Variants in APLP1 observed in about 807,000 individuals in gnomAD.
APLP1 encodes amyloid beta (A4) precursor-like protein 1.
A neutral mutation model predicts 84.5 loss-of-function variants in APLP1; 46 were observed. The ratio of observed to expected loss-of-function variants is 0.54; its 90% confidence interval spans 0.43 to 0.70. The LOEUF (loss-of-function observed/expected upper bound fraction) is 0.70, where lower values mean the gene tolerates loss of function less well. Ranked by LOEUF, APLP1 falls within the 30% of genes least tolerant of loss-of-function variation. The probability of loss-of-function intolerance (pLI) is 0.00; values close to 1 mark genes in which losing one functional copy is unlikely to be tolerated. For missense variants in APLP1, 826 were observed against 900.2 expected (o/e 0.92, Z 1.05); for synonymous variants, 376 against 364.0 (o/e 1.03, Z -0.38).
chr19:35,875,806 A>G (rs1974269711), intron 10 of APLP1, among the ~76,000 whole-genome samples: 1 of 146,754 alleles, frequency 6.8e-6, no homozygotes, highest in Non-Finnish European at 1.5e-5. Flanking sequence ...TTTAGCAGAG[A>G]CAGGGTTTTG....
chr19:35,875,160 CT>C (rs71167572), intron 10 of APLP1, among the ~76,000 whole-genome samples: 2,417 of 115,712 alleles, frequency 0.021, 50 homozygotes, highest in African/African-American at 0.079. Context: ...CCAGAATCGT[CT>C]TTTTTTTTTT....
chr19:35,879,104 G>A lies in APLP1; in HGVS notation c.1744G>A (p.Ala582Thr). The A allele has an allele frequency of 6.2e-7, 1 of 1,612,090 alleles. No individual in the cohort carries two copies. The highest frequency in any genetic ancestry group is 8.5e-7 in the Non-Finnish European group (1 of 1,180,000). Reference protein sequence around the residue: ...APAGTGVSREAVSGLLIMGAG... With the variant: ...APAGTGVSRETVSGLLIMGAG... The stretch of plus-strand genomic sequence containing the variant: ...AGCTGGGACAGGGGTGTCCCGTGAG[G>A]CTGTGTCGGGTCTGCTGATCATGGG... Residue 582 changes from alanine to threonine, a missense_variant, in exon 16 of 17, where the codon GCT becomes ACT. Coordinates refer to ENST00000221891, the MANE Select transcript of APLP1 (RefSeq NM_001024807.3).
chr19:35,877,688 C>G lies in APLP1; in HGVS notation c.1445-30C>G, dbSNP rs543017309. 6 of 1,560,582 alleles carry G rather than the reference C, an allele frequency of 3.8e-6. No individual in the cohort carries two copies. In the South Asian group the frequency reaches 6.7e-5, roughly 17 times the overall value. On this transcript the variant is annotated intron_variant, in intron 11 of 16. Transcript: ENST00000221891. Reference sequence around the variant, plus strand: ...CTCCACTCACCCCTATGCTCACTACCTCAGCCACCTTTCTGCATGTCCCCC... The same window carrying G: ...CTCCACTCACCCCTATGCTCACTACGTCAGCCACCTTTCTGCATGTCCCCC...
intron 2 of APLP1, chr19:35,870,371 TTTA>T: frequency 6.0e-6 from 1 of 167,902 alleles, no homozygotes; most frequent in Non-Finnish European, 1.3e-5. Context: ...TGACGGGACT[TTTA>T]AGGGAAAACT....
intron 7 of APLP1, 46 bp from the exon 8 acceptor site, chr19:35,873,593 G>A (rs140731583): frequency 1.3e-6 from 2 of 1,597,020 alleles, no homozygotes; most frequent in East Asian, 4.5e-5. Context: ...CTTGCCAGGT[G>A]GATCAGGGTG....
In APLP1 at chr19:35,877,770, C is replaced by T. The variant is rs771909937; in HGVS notation, c.1497C>T (p.Ala499=). 1.2e-6 allele frequency: 2 copies of T among 1,609,242 alleles called. No homozygotes were observed. Among genetic ancestry groups the T allele is most frequent in the African/African-American group, 1.3e-5 (1 of 74,624 alleles). ...GTCCCAGTGAATTGGAAGCCCCTGC[C>T]CCTGGGGGCAGCAGCGAGGACAAGG... ...HLGPSELEAP[A]PGGSSEDKGG... The change falls in exon 12 of 17, where the codon GCC becomes GCT. Residue 499 remains alanine, a synonymous_variant. Transcript: ENST00000221891.
At chr19:35,870,859 G>T in intron 2 of APLP1, 37 bp from the exon 3 acceptor site, 1 of 1,586,888 alleles carries the variant, frequency 6.3e-7, no homozygotes, top group East Asian at 2.3e-5. Context: ...GGCAGGGGCG[G>T]GGCAGTGGGC....
chr19:35,871,438 G>T (rs758002463), intron 4 of APLP1, 89 bp downstream of exon 4: 1 of 1,378,258 alleles, frequency 7.3e-7, no homozygotes, highest in Non-Finnish European at 1.0e-6. Flanking sequence ...GAGGAGTCTG[G>T]GCCACCAGCA....
intron 10 of APLP1, among the ~76,000 whole-genome samples, chr19:35,875,071 C>G (rs889276959): frequency 2.6e-5 from 4 of 151,964 alleles, no homozygotes; most frequent in African/African-American, 9.7e-5. Flanking sequence ...TGTCTTTGAC[C>G]CCTGCTTCTT....
chr19:35,877,456 T>A (rs547771701), intron 11 of APLP1, among the ~76,000 whole-genome samples: 1 of 146,462 alleles, frequency 6.8e-6, no homozygotes, highest in East Asian at 2.0e-4. Flanking sequence ...ATCATTGCAC[T>A]CCAGCTGGGC....
At chr19:35,876,443 C>G (rs557490808) in intron 10 of APLP1, 74 bp from the exon 11 acceptor site, 9 of 1,314,172 alleles carry the variant, frequency 6.8e-6, no homozygotes, top group Admixed American at 6.7e-5. Flanking sequence ...TTGAATTCCT[C>G]CTTCATACTG....
In APLP1 at chr19:35,876,786, C is replaced by T. The variant is rs111386430; in HGVS notation, c.1444+170C>T. ...GTTCATGATTCTGCCATCCGGTCTGCGCTCAGCAGAGTGGTTCTTTCAGTG... is the reference window on the plus strand; with the variant it reads ...GTTCATGATTCTGCCATCCGGTCTGTGCTCAGCAGAGTGGTTCTTTCAGTG... On this transcript the variant is annotated intron_variant, in intron 11 of 16. Transcript: ENST00000221891. Among the ~76,000 whole-genome samples, 17 of 152,372 alleles carry T rather than the reference C, an allele frequency of 1.1e-4. 1 individual carries two copies. The highest frequency in any genetic ancestry group is 3.1e-4 in the African/African-American group (13 of 41,590).
At chr19:35,879,313 A>G (rs1974362094) in intron 16 of APLP1, 30 bp from the exon 17 acceptor site, 6 of 1,613,090 alleles carry the variant, frequency 3.7e-6, no homozygotes, top group African/African-American at 2.7e-5. Context: ...CCCGCACCAC[A>G]CTGTCCTTTC....
intron 6 of APLP1, 50 bp from the exon 7 acceptor site, chr19:35,872,433 G>A (rs1174613601): frequency 1.9e-6 from 3 of 1,585,864 alleles, no homozygotes; most frequent in South Asian, 1.1e-5. Context: ...GGTAGAAAAG[G>A]CGACCTGGAG....
Position 35,868,741 on chromosome 19 carries a change from C to T in APLP1, c.105C>T (p.Pro35=). 2.2e-6 allele frequency: 3 copies of T among 1,381,172 alleles called. No individual in the cohort carries two copies. Among genetic ancestry groups the T allele is most frequent in the Non-Finnish European group, 2.8e-6 (3 of 1,071,728 alleles). The allele number at this position is 1,381,172 out of a possible 1,614,324, so 85.6% of individuals were successfully genotyped here. The change falls in exon 1 of 17, where the codon CCC becomes CCT. Residue 35 remains proline, a synonymous_variant. Coordinates refer to ENST00000221891, the MANE Select transcript of APLP1 (RefSeq NM_001024807.3). The surrounding 1 kb of genome is among the most constrained non-coding windows in gnomAD (Gnocchi z 5.2). The part of the protein sequence containing the change: ...PLLLLLLRAQ[P]AIGSLAGGSP... ...TGCTGCTGCTTCTGCGCGCGCAGCCCGCCATCGGGAGCCTGGCCGGTGGGA... is the reference window on the plus strand; with the variant it reads ...TGCTGCTGCTTCTGCGCGCGCAGCCTGCCATCGGGAGCCTGGCCGGTGGGA...
Position 35,878,633 on chromosome 19 carries a change from G to A in APLP1, c.1629G>A (p.Pro543=), listed in dbSNP as rs774044888. ...AASPEKEKMN[P]LEQYERKVNA... ...CCCCTGAGAAAGAGAAGATGAACCC[G>A]CTGGAACAGTATGAGCGAAAGGTAA... The change falls in exon 14 of 17, where the codon CCG becomes CCA. Residue 543 remains proline (P), a synonymous_variant. Coordinates refer to ENST00000221891, the MANE Select transcript of APLP1 (RefSeq NM_001024807.3). 9.2e-5 allele frequency: 148 copies of A among 1,613,938 alleles called. No individual in the cohort carries two copies. Among genetic ancestry groups the A allele is most frequent in the Non-Finnish European group, 7.1e-5 (84 of 1,180,024 alleles).
At chr19:35,879,296 T>A (rs1974361439) in intron 16 of APLP1, 47 bp from the exon 17 acceptor site, 4 of 1,610,324 alleles carry the variant, frequency 2.5e-6, no homozygotes, top group Admixed American at 3.3e-5. Context: ...TTGCGGGCAG[T>A]CCCGCCCCCG....
In APLP1 at chr19:35,877,744, G is replaced by C; in HGVS notation, c.1471G>C (p.Gly491Arg). 6.2e-7 allele frequency: 1 copy of C among 1,610,520 alleles called. No homozygotes were observed. The highest frequency in any genetic ancestry group is 8.5e-7 in the Non-Finnish European group (1 of 1,179,010). ...IQELLHSEHL[G>R]PSELEAPAPG... Reference sequence around the variant, plus strand: ...GGAACTCCTCCACTCTGAACACCTGGGTCCCAGTGAATTGGAAGCCCCTGC... The same window carrying C: ...GGAACTCCTCCACTCTGAACACCTGCGTCCCAGTGAATTGGAAGCCCCTGC... The change falls in exon 12 of 17, where the codon GGT (glycine) becomes CGT (arginine). Residue 491 changes from glycine (G) to arginine (R), a missense_variant. Transcript: ENST00000221891.
rs1974213040 is a variant in APLP1, at chr19:35,873,665, C to A, written c.1008C>A (p.Asp336Glu). ...NEVMREWAMA[D>E]NQSKNLPKAD... ...TGATGCGTGAATGGGCCATGGCAGA[C>A]AACCAGTCCAAGAACCTGCCTAAAG... is the stretch of plus-strand genomic sequence containing the variant. The change falls in exon 8 of 17, where the codon GAC becomes GAA. Residue 336 changes from aspartate to glutamate, a missense_variant. Asp to Glu is a conservative substitution (Grantham distance 45). Coordinates refer to ENST00000221891, the MANE Select transcript of APLP1 (RefSeq NM_001024807.3). 1 of 1,614,040 alleles carries A rather than the reference C, an allele frequency of 6.2e-7. No individual in the cohort carries two copies. The highest frequency in any genetic ancestry group is 1.1e-5 in the South Asian group (1 of 91,082).
Sources: allele counts gnomAD v4.1 joint callset (sites outside exome capture counted in the v4.1 genomes callset), GRCh38; gene constraint gnomAD v4.1.1; non-coding constraint Gnocchi (gnomAD v3.1); transcripts MANE v1.5; gene names NCBI Gene and HGNC (gene_info 2026-07-23, HGNC 2026-07-21).